NEU3: variants seen among roughly 807,000 people sequenced by gnomAD.
NEU3 encodes the protein neuraminidase 3, also known as sialidase-3.
NEU3 carries 10 observed loss-of-function variants against 11.4 expected under a neutral mutation model. The ratio of observed to expected loss-of-function variants is 0.88; its 90% confidence interval spans 0.54 to 1.49. The LOEUF (loss-of-function observed/expected upper bound fraction) is 1.49. Ranked by LOEUF, NEU3 falls within the 40% of genes most tolerant of loss-of-function variation. The pLI is 0.00. For missense variants in NEU3, 529 were observed against 581.8 expected (o/e 0.91, Z 0.93); for synonymous variants, 212 against 228.2 (o/e 0.93, Z 0.64).
At chr11:75,019,088 G>A (rs920061083), downstream of NEU3, among the ~76,000 whole-genome samples, 3 of 152,224 alleles carry the variant, frequency 2.0e-5, no homozygotes, top group African/African-American at 7.2e-5. Flanking sequence ...ATTTCTAAGT[G>A]GCGAAGCATT....
chr11:74,988,544 A>G (rs2140229674), upstream of NEU3: 1 of 155,456 alleles, frequency 6.4e-6, no homozygotes, highest in African/African-American at 2.4e-5. Flanking sequence ...CATATTTTGC[A>G]AGGAGAGTAG....
Position 75,006,325 on chromosome 11 carries a change from G to C in NEU3, c.1219G>C (p.Ala407Pro). ...HCGPCGYSDL[A>P]ALEEEGLFGC... The stretch of plus-strand genomic sequence containing the variant: ...TGGGCCCTGTGGCTACTCTGATCTG[G>C]CTGCTCTGGAGGAGGAGGGCTTGTT... The change falls in exon 3 of 3, where the codon GCT (alanine) becomes CCT (proline). Residue 407 changes from alanine (A) to proline (P), a missense_variant. Physicochemically the swap from Ala to Pro is conservative, Grantham distance 27. Coordinates refer to ENST00000294064, the MANE Select transcript of NEU3 (RefSeq NM_006656.6). The C allele has an allele frequency of 6.2e-7, 1 of 1,614,024 alleles. No individual in the cohort carries two copies. Among genetic ancestry groups the C allele is most frequent in the Non-Finnish European group, 8.5e-7 (1 of 1,179,908 alleles).
chr11:74,992,613 C>T (rs1948744779), intron 1 of NEU3, among the ~76,000 whole-genome samples: 2 of 152,158 alleles, frequency 1.3e-5, no homozygotes, highest in Non-Finnish European at 2.9e-5. Flanking sequence ...TACTTGGAGA[C>T]TCCATTGTGA....
chr11:75,011,347 CTTTG>C (rs954112829), downstream of NEU3, among the ~76,000 whole-genome samples: 6 of 152,306 alleles, frequency 3.9e-5, no homozygotes, highest in South Asian at 6.2e-4. Flanking sequence ...TTTTACTTGA[CTTTG>C]TTTGTTCCAT....
chr11:75,005,725 C>A lies in NEU3; in HGVS notation c.619C>A (p.Leu207Met). 6.2e-7 allele frequency: 1 copy of A among 1,613,952 alleles called. No homozygotes were observed. The highest frequency in any genetic ancestry group is 8.5e-7 in the Non-Finnish European group (1 of 1,179,822). The stretch of plus-strand genomic sequence containing the variant: ...TGGCATCCAGCTGCAGTCAGGGAGA[C>A]TGGTCATCCCTGCGTATACCTACTA... The part of the protein sequence containing the change: ...GHGIQLQSGR[L>M]VIPAYTYYIP... Residue 207 changes from leucine (L) to methionine (M), a missense_variant, in exon 3 of 3, where the codon CTG (leucine) becomes ATG (methionine). Leu to Met is a conservative substitution (Grantham distance 15). Transcript: ENST00000294064.
downstream of NEU3, among the ~76,000 whole-genome samples, chr11:75,011,738 A>G (rs568052754): frequency 6.6e-6 from 1 of 150,944 alleles, no homozygotes; most frequent in African/African-American, 2.4e-5. Flanking sequence ...TGCAACCAAA[A>G]GAATTTAAGT....
intron 1 of NEU3, chr11:74,990,139 A>C: frequency 1.5e-6 from 1 of 648,026 alleles, no homozygotes; most frequent in Non-Finnish European, 2.8e-6. Context: ...ACACCTATTA[A>C]AACAGCAGTT....
the NEU3 span, among the ~76,000 whole-genome samples, chr11:74,981,354 A>T: frequency 6.6e-6 from 1 of 152,216 alleles, no homozygotes; most frequent in African/African-American, 2.4e-5. Context: ...ATGTTCCTGC[A>T]TGTATATTCT....
chr11:74,996,020 T>C (rs2140239450), intron 2 of NEU3, among the ~76,000 whole-genome samples: 1 of 152,064 alleles, frequency 6.6e-6, no homozygotes, highest in East Asian at 1.9e-4. Flanking sequence ...GTGGGTTTAG[T>C]GGCACACATC....
At chr11:75,014,148 A>C (rs979077694), downstream of NEU3, among the ~76,000 whole-genome samples, 1 of 152,214 alleles carries the variant, frequency 6.6e-6, no homozygotes, top group Non-Finnish European at 1.5e-5. Flanking sequence ...AGTGCCCCCA[A>C]GCTTCAGATC....
downstream of NEU3, among the ~76,000 whole-genome samples, chr11:75,012,074 C>T (rs931550589): frequency 3.9e-5 from 6 of 152,164 alleles, no homozygotes; most frequent in African/African-American, 1.4e-4. Flanking sequence ...GACAAAGATT[C>T]CTTGGTTGAT....
Position 75,005,936 on chromosome 11 carries a change from C to A in NEU3, c.830C>A (p.Ala277Asp), listed in dbSNP as rs776747427. 1 of 1,613,638 alleles carries A rather than the reference C, an allele frequency of 6.2e-7. No individual in the cohort carries two copies. The highest frequency in any genetic ancestry group is 8.5e-7 in the Non-Finnish European group (1 of 1,179,858). Residue 277 changes from alanine to aspartate, a missense_variant, in exon 3 of 3, where the codon GCC becomes GAC. Transcript: ENST00000294064. ...GGCCACCCTGTGCTATATTGCAGTG[C>A]CCGGACACCAAACAGGTGCCGGGCA... Reference protein sequence around the residue: ...RAGHPVLYCSARTPNRCRAEA... With the variant: ...RAGHPVLYCSDRTPNRCRAEA...
At chr11:75,004,415 G>A (rs954319646) in intron 2 of NEU3, 23 of 481,800 alleles carry the variant, frequency 4.8e-5, no homozygotes, top group East Asian at 1.0e-4. Context: ...TGTCAGTTTC[G>A]TTTTAATTTG....
intron 2 of NEU3, among the ~76,000 whole-genome samples, chr11:75,002,622 A>C (rs1591759434): frequency 6.6e-6 from 1 of 152,336 alleles, no homozygotes; most frequent in East Asian, 1.9e-4. Flanking sequence ...AATGCACAAA[A>C]CATAAATGTC....
upstream of NEU3, among the ~76,000 whole-genome samples, chr11:74,983,499 C>T (rs1014171830): frequency 1.3e-5 from 2 of 152,184 alleles, no homozygotes; most frequent in Non-Finnish European, 2.9e-5. Context: ...CAAGAGTGAC[C>T]TTTAAAAAGA....
chr11:75,003,871 CAG>C (rs1283310102), intron 2 of NEU3, among the ~76,000 whole-genome samples: 6 of 150,970 alleles, frequency 4.0e-5, no homozygotes, highest in East Asian at 1.9e-4. Context: ...GCCTGGTTGA[CAG>C]AGAGACTCCA....
downstream of NEU3, among the ~76,000 whole-genome samples, chr11:75,015,178 A>G (rs182894690): frequency 2.9e-4 from 44 of 152,202 alleles, no homozygotes; most frequent in African/African-American, 8.2e-4. Context: ...GTCCTCATCA[A>G]TGGGATTGGT....
chr11:75,016,205 C>T (rs1024677137), intron 3 of NEU3, among the ~76,000 whole-genome samples: 3 of 152,156 alleles, frequency 2.0e-5, no homozygotes, highest in Non-Finnish European at 4.4e-5. Flanking sequence ...CTTCATTGTA[C>T]CCATCATCCA....
upstream of NEU3, among the ~76,000 whole-genome samples, chr11:74,983,538 C>T (rs954972032): frequency 4.6e-5 from 7 of 152,162 alleles, no homozygotes; most frequent in African/African-American, 1.7e-4. Flanking sequence ...CTACTGAGCT[C>T]TTGAGGAAAC....
Sources: allele counts gnomAD v4.1 joint callset (sites outside exome capture counted in the v4.1 genomes callset), GRCh38; gene constraint gnomAD v4.1.1; transcripts MANE v1.5; gene names NCBI Gene and HGNC (gene_info 2026-07-23, HGNC 2026-07-21).